Variants in FSBP observed in about 807,000 individuals in gnomAD.
The protein encoded by FSBP is fibrinogen silencer-binding protein.
FSBP carries 18 observed loss-of-function variants against 24.6 expected under a neutral mutation model. The ratio of observed to expected loss-of-function variants is 0.73; its 90% CI spans 0.51 to 1.08. FSBP has a LOEUF of 1.08. Among genes scored for constraint, FSBP ranks in the 50% least tolerant of loss-of-function variants. The probability of loss-of-function intolerance (pLI) is 0.00; values close to 1 mark genes in which losing one functional copy is unlikely to be tolerated. For missense variants in FSBP, 305 were observed against 347.6 expected, an observed-to-expected ratio of 0.88 and a Z score of 0.98; for synonymous variants, 110 against 125.8, an observed-to-expected ratio of 0.87 and a Z score of 0.84.
Position 94,429,128 on chromosome 8 carries a change from G to A in FSBP, c.*3003C>T, listed in dbSNP as rs1162243222. 3 of 984,204 alleles carry A rather than the reference G, an allele frequency of 3.0e-6. No individual in the cohort carries two copies. The highest frequency in any genetic ancestry group is 1.1e-4 in the East Asian group (1 of 8,812). The allele number at this position is 984,204 out of a possible 1,614,324, so 61.0% of individuals were successfully genotyped here. A position where few individuals can be genotyped will look rare whatever the true frequency, so the allele number is the denominator to read the frequency against. ...AGTTGCTGCAGTAAACTCAAAGAGT[G>A]TGATTCTGGTGTTTAAAAATATGTA... is the stretch of plus-strand genomic sequence containing the variant. On this transcript the variant is annotated 3_prime_UTR_variant, in exon 2 of 2. Transcript: ENST00000481490.
At position 94,429,804 on chromosome 8, in the gene FSBP, C is replaced by T; in HGVS notation, c.*2327G>A. The T allele has an allele frequency of 7.1e-6, 7 of 985,138 alleles. No individual in the cohort carries two copies. The South Asian group carries it at 3.3e-4, about 46-fold the overall frequency. The allele number at this position is 985,138 out of a possible 1,614,324, so 61.0% of individuals were successfully genotyped here. Reference sequence around the variant, plus strand: ...GCTATAAAACACCCTCTTTTTAATCCAACCAATGAAATTAAGTAGTCAACA... The same window carrying T: ...GCTATAAAACACCCTCTTTTTAATCTAACCAATGAAATTAAGTAGTCAACA... On this transcript the variant is annotated 3_prime_UTR_variant, in exon 2 of 2. Transcript: ENST00000481490.
chr8:94,430,531 AC>A lies in FSBP; in HGVS notation c.*1599del. On this transcript the variant is annotated 3_prime_UTR_variant, in exon 2 of 2. Transcript: ENST00000481490. The stretch of plus-strand genomic sequence containing the variant: ...GGGTTTATTAAAAGAGATTGCTGAC[AC>A]CCCCAGGGTTTCTAATTCACTTGGA... The A allele has an allele frequency of 2.4e-6, 2 of 827,746 alleles. No individual in the cohort carries two copies. Among genetic ancestry groups the A allele is most frequent in the Non-Finnish European group, 2.9e-6 (2 of 686,800 alleles). The allele number at this position is 827,746 out of a possible 1,614,324, so 51.3% of individuals were successfully genotyped here.
chr8:94,430,043 G>A lies in FSBP; in HGVS notation c.*2088C>T. The A allele has an allele frequency of 3.0e-6, 3 of 984,806 alleles. No homozygotes were observed. Among genetic ancestry groups the A allele is most frequent in the Non-Finnish European group, 3.6e-6 (3 of 829,446 alleles). 61.0% of individuals were successfully genotyped at this position (984,806 alleles called of 1,614,324 possible). On this transcript the variant is annotated 3_prime_UTR_variant, in exon 2 of 2. Transcript: ENST00000481490. Reference sequence around the variant, plus strand: ...AAAAATAGTATTTAGGCTGGGCACGGTGGCTCAAGCCTGTAATCCCAGCAC... The same window carrying A: ...AAAAATAGTATTTAGGCTGGGCACGATGGCTCAAGCCTGTAATCCCAGCAC...
In FSBP at chr8:94,428,146, C is replaced by A. The variant is rs1811990876; in HGVS notation, c.*3985G>T. The A allele has an allele frequency of 1.2e-6, 1 of 860,560 alleles. No homozygotes were observed. Among genetic ancestry groups the A allele is most frequent in the Non-Finnish European group, 1.4e-6 (1 of 716,598 alleles). 53.3% of individuals were successfully genotyped at this position (860,560 alleles called of 1,614,324 possible). ...AAGAGAAAGATAGGAAAGTGGCTAT[C>A]CACTATCTAAATTACTAATATATTG... is the stretch of plus-strand genomic sequence containing the variant. On this transcript the variant is annotated 3_prime_UTR_variant, in exon 2 of 2. Transcript: ENST00000481490.
chr8:94,430,181 T>C lies in FSBP; in HGVS notation c.*1950A>G, dbSNP rs939281088. On this transcript the variant is annotated 3_prime_UTR_variant, in exon 2 of 2. Transcript: ENST00000481490. ...ACAAAAAATTAGCCAGGCATGGTGG[T>C]GCGCCTGTAGTCCCAGCTACTTGGG... 1.7e-6 allele frequency: 1 copy of C among 601,072 alleles called. No individual in the cohort carries two copies. The highest frequency in any genetic ancestry group is 6.3e-5 in the Admixed American group (1 of 15,780). The allele number at this position is 601,072 out of a possible 1,614,324, so 37.2% of individuals were successfully genotyped here.
In FSBP at chr8:94,432,666, A is replaced by C; in HGVS notation, c.375-10T>G. ...CTCATCCAAGTTTGCACTATAGCAC[A>C]CAAAAAAGCATTATAATATGTAAAT... On this transcript the variant is annotated splice_polypyrimidine_tract_variant and intron_variant, in intron 1 of 1. Transcript: ENST00000481490. 1 of 1,484,342 alleles carries C rather than the reference A, an allele frequency of 6.7e-7. No homozygotes were observed. Among genetic ancestry groups the C allele is most frequent in the Non-Finnish European group, 9.0e-7 (1 of 1,115,690 alleles). The allele number at this position is 1,484,342 out of a possible 1,614,324, so 91.9% of individuals were successfully genotyped here.
Position 94,430,596 on chromosome 8 carries a change from G to T in FSBP, c.*1535C>A. 1 of 607,558 alleles carries T rather than the reference G, an allele frequency of 1.6e-6. No homozygotes were observed. The highest frequency in any genetic ancestry group is 2.1e-6 in the Non-Finnish European group (1 of 485,326). 37.6% of individuals were successfully genotyped at this position (607,558 alleles called of 1,614,324 possible). On this transcript the variant is annotated 3_prime_UTR_variant, in exon 2 of 2. Coordinates refer to ENST00000481490, the MANE Select transcript of FSBP (RefSeq NM_001256141.2). ...TTCTAACAAGTTCTCAAGTGATGCT[G>T]ATGCTGCTGGTCAGGACCCATACTT...
At position 94,430,634 on chromosome 8, in the gene FSBP, G is replaced by A; in HGVS notation, c.*1497C>T. The A allele has an allele frequency of 3.2e-6, 2 of 619,378 alleles. No homozygotes were observed. Among genetic ancestry groups the A allele is most frequent in the Non-Finnish European group, 4.0e-6 (2 of 496,210 alleles). The allele number at this position is 619,378 out of a possible 1,614,324, so 38.4% of individuals were successfully genotyped here. On this transcript the variant is annotated 3_prime_UTR_variant, in exon 2 of 2. Transcript: ENST00000481490. ...AGGACCCATACTTGGAAAACCATTG[G>A]TCTACTCCAAAGGCCACAAAGTGGA...
rs1215990868 is a variant in FSBP at position 94,428,454 on chromosome 8, CACAT to C, written c.*3673_*3676del. 1 of 378,386 alleles carries C rather than the reference CACAT, an allele frequency of 2.6e-6. No individual in the cohort carries two copies. Among genetic ancestry groups the C allele is most frequent in the Non-Finnish European group, 3.6e-6 (1 of 275,546 alleles). The allele number at this position is 378,386 out of a possible 1,614,324, so 23.4% of individuals were successfully genotyped here. A position where few individuals can be genotyped will look rare whatever the true frequency, so the allele number is the denominator to read the frequency against. The stretch of plus-strand genomic sequence containing the variant: ...GTCCCTTATATAAAATGTTTGTATT[CACAT>C]ACAATTTACACACATCCTTCCATAT... On this transcript the variant is annotated 3_prime_UTR_variant, in exon 2 of 2. Transcript: ENST00000481490.
Position 94,432,417 on chromosome 8 carries a change from G to T in FSBP, c.614C>A (p.Ser205Ter), listed in dbSNP as rs1023217179. ...SLSSVDMRMTSSPSSIPRRDD... is the reference protein window; with the variant it reads ...SLSSVDMRMT ...TCTCCTTGGAATAGAAGATGGAGACGATGTCATTCTCATATCAACAGAGGA... is the reference window on the plus strand; with the variant it reads ...TCTCCTTGGAATAGAAGATGGAGACTATGTCATTCTCATATCAACAGAGGA... The change falls in exon 2 of 2, where the codon TCG (serine) becomes TAG (stop). Residue 205 changes from serine to a stop codon, truncating the protein, a stop_gained. Coordinates refer to ENST00000481490, the MANE Select transcript of FSBP (RefSeq NM_001256141.2). LOFTEE classifies it high-confidence loss of function. The T allele has an allele frequency of 9.0e-6, 14 of 1,550,292 alleles. No homozygotes were observed. The highest frequency in any genetic ancestry group is 4.1e-5 in the African/African-American group (3 of 73,044).
Position 94,432,416 on chromosome 8 carries a change from C to G in FSBP, c.615G>C (p.Ser205=). 4.5e-6 allele frequency: 7 copies of G among 1,550,366 alleles called. No homozygotes were observed. The highest frequency in any genetic ancestry group is 6.1e-6 in the Non-Finnish European group (7 of 1,146,854). ...CTCTCCTTGGAATAGAAGATGGAGA[C>G]GATGTCATTCTCATATCAACAGAGG... is the stretch of plus-strand genomic sequence containing the variant. ...SLSSVDMRMT[S]SPSSIPRRDD... The change falls in exon 2 of 2, where the codon TCG becomes TCC. Residue 205 remains serine (S), a synonymous_variant. Coordinates refer to ENST00000481490, the MANE Select transcript of FSBP (RefSeq NM_001256141.2).
chr8:94,432,669 A>G lies in FSBP; in HGVS notation c.375-13T>C. ...ATCCAAGTTTGCACTATAGCACACA[A>G]AAAAGCATTATAATATGTAAATCAA... On this transcript the variant is annotated splice_polypyrimidine_tract_variant and intron_variant, in intron 1 of 1. Transcript: ENST00000481490. The G allele has an allele frequency of 6.7e-7, 1 of 1,482,058 alleles. No individual in the cohort carries two copies. The highest frequency in any genetic ancestry group is 1.4e-5 in the South Asian group (1 of 70,326). The allele number at this position is 1,482,058 out of a possible 1,614,324, so 91.8% of individuals were successfully genotyped here. A position where few individuals can be genotyped will look rare whatever the true frequency, so the allele number is the denominator to read the frequency against.
rs919518792 is a variant in FSBP at position 94,428,211 on chromosome 8, A to G, written c.*3920T>C. On this transcript the variant is annotated 3_prime_UTR_variant, in exon 2 of 2. Coordinates refer to ENST00000481490, the MANE Select transcript of FSBP (RefSeq NM_001256141.2). The stretch of plus-strand genomic sequence containing the variant: ...TATACTTAGTATATTTATCAAATGT[A>G]GTATATTTCTACAGAATCAAGTCTA... The G allele has an allele frequency of 9.3e-6, 8 of 859,852 alleles. No homozygotes were observed. The African/African-American group carries it at 1.3e-4, about 14-fold the overall frequency. 53.3% of individuals were successfully genotyped at this position (859,852 alleles called of 1,614,324 possible). A position where few individuals can be genotyped will look rare whatever the true frequency, so the allele number is the denominator to read the frequency against.
At chr8:94,435,033 G>A (rs868553857) in intron 1 of FSBP, among the ~76,000 whole-genome samples, 5 of 151,614 alleles carry the variant, frequency 3.3e-5, no homozygotes, top group Non-Finnish European at 5.9e-5. Flanking sequence ...TCTACATGTC[G>A]TTTTCAAATT....
At position 94,432,201 on chromosome 8, in the gene FSBP, G is replaced by A. The variant is rs1199965013; in HGVS notation, c.830C>T (p.Ala277Val). ...RQQLEEELLR[A>V]KIEVEKLKAI... is the part of the protein sequence containing the mutation. ...TTTCAGCTTCTCCACTTCAATTTTT[G>A]CTCTTAGTAGCTCTTCCTCTAGCTG... Residue 277 changes from alanine (A) to valine (V), a missense_variant, in exon 2 of 2, where the codon GCA becomes GTA. Coordinates refer to ENST00000481490, the MANE Select transcript of FSBP (RefSeq NM_001256141.2). 2 of 1,550,020 alleles carry A rather than the reference G, an allele frequency of 1.3e-6. No homozygotes were observed. The highest frequency in any genetic ancestry group is 1.7e-6 in the Non-Finnish European group (2 of 1,146,794).
At chr8:94,435,982 T>C (rs915237924) in intron 1 of FSBP, among the ~76,000 whole-genome samples, 1 of 152,152 alleles carries the variant, frequency 6.6e-6, no homozygotes, top group Non-Finnish European at 1.5e-5. Flanking sequence ...AATCATGCCA[T>C]TAACAAGTTT....
rs1811989668 is a variant in FSBP at position 94,428,108 on chromosome 8, C to T, written c.*4023G>A. The stretch of plus-strand genomic sequence containing the variant: ...ATAAGTTGTAACAACATATCCATTA[C>T]ATTCATATGGATAAGAGAAAGATAG... On this transcript the variant is annotated 3_prime_UTR_variant, in exon 2 of 2. Coordinates refer to ENST00000481490, the MANE Select transcript of FSBP (RefSeq NM_001256141.2). The T allele has an allele frequency of 1.1e-6, 1 of 916,934 alleles. No individual in the cohort carries two copies. The highest frequency in any genetic ancestry group is 1.8e-5 in the African/African-American group (1 of 55,642). The allele number at this position is 916,934 out of a possible 1,614,324, so 56.8% of individuals were successfully genotyped here. A position where few individuals can be genotyped will look rare whatever the true frequency, so the allele number is the denominator to read the frequency against.
Position 94,430,513 on chromosome 8 carries a change from T to C in FSBP, c.*1618A>G. ...TGCATCAGAATCGCTAAAGGGTTTA[T>C]TAAAAGAGATTGCTGACACCCCCAG... On this transcript the variant is annotated 3_prime_UTR_variant, in exon 2 of 2. Coordinates refer to ENST00000481490, the MANE Select transcript of FSBP (RefSeq NM_001256141.2). 2 of 899,754 alleles carry C rather than the reference T, an allele frequency of 2.2e-6. No individual in the cohort carries two copies. The highest frequency in any genetic ancestry group is 2.7e-6 in the Non-Finnish European group (2 of 752,198). The allele number at this position is 899,754 out of a possible 1,614,324, so 55.7% of individuals were successfully genotyped here. A position where few individuals can be genotyped will look rare whatever the true frequency, so the allele number is the denominator to read the frequency against.
rs985207755 is a variant in FSBP, at chr8:94,428,644, T to G, written c.*3487A>C. On this transcript the variant is annotated 3_prime_UTR_variant, in exon 2 of 2. Coordinates refer to ENST00000481490, the MANE Select transcript of FSBP (RefSeq NM_001256141.2). Reference sequence around the variant, plus strand: ...TAAATTTCGTATTACTTTTTATTGTTGTACTGTTATTTATTTTTCTGCCTG... The same window carrying G: ...TAAATTTCGTATTACTTTTTATTGTGGTACTGTTATTTATTTTTCTGCCTG... 2 of 713,688 alleles carry G rather than the reference T, an allele frequency of 2.8e-6. No homozygotes were observed. Among genetic ancestry groups the G allele is most frequent in the Non-Finnish European group, 3.4e-6 (2 of 582,184 alleles). 44.2% of individuals were successfully genotyped at this position (713,688 alleles called of 1,614,324 possible).
Sources: gnomAD v4.1 joint callset for allele counts (sites outside exome capture counted in the v4.1 genomes callset) on GRCh38, gnomAD v4.1.1 for gene constraint, MANE v1.5 for transcripts, NCBI Gene and HGNC (gene_info 2026-07-23, HGNC 2026-07-21) for gene names.